The following SLCO5A1 variants were observed in gnomAD, a reference collection of about 807,000 sequenced individuals.
SLCO5A1 encodes the protein organic anion transporter polypeptide-related protein 4.
Under a neutral mutation model 65.1 loss-of-function variants are expected in SLCO5A1, and 39 were observed. That is an observed-to-expected ratio of 0.60 (90% CI 0.46 to 0.78). The LOEUF is 0.78. Ranked by LOEUF, SLCO5A1 falls within the 30% of genes least tolerant of loss-of-function variation. SLCO5A1 has a pLI of 0.00. For synonymous variants in SLCO5A1, 438 were observed against 415.7 expected (o/e 1.05, Z -0.65); for missense variants, 1,029 against 1,069.4 (o/e 0.96, Z 0.53).
chr8:69,786,456 T>C (rs1175594900), intron 2 of SLCO5A1, among the ~76,000 whole-genome samples: 2 of 152,228 alleles, frequency 1.3e-5, no homozygotes, highest in Non-Finnish European at 2.9e-5. Flanking sequence ...AATTATATGC[T>C]GTCCCTAGCA....
chr8:69,830,990 A>G (rs1192278633), intron 2 of SLCO5A1, among the ~76,000 whole-genome samples: 1 of 152,224 alleles, frequency 6.6e-6, no homozygotes, highest in East Asian at 1.9e-4. Context: ...ATAGTGGTGC[A>G]GGTGACGTAT....
At chr8:69,709,715 C>A (rs1357530583) in intron 5 of SLCO5A1, among the ~76,000 whole-genome samples, 1 of 151,922 alleles carries the variant, frequency 6.6e-6, no homozygotes, top group East Asian at 1.9e-4. Context: ...TAATTGAAAA[C>A]AAAACCACCT....
At position 69,671,565 on chromosome 8, in the gene SLCO5A1, G is replaced by T. The variant is rs1813328878; in HGVS notation, c.*1304C>A. 6.6e-6 allele frequency: 1 copy of T among 152,156 alleles called. No homozygotes were observed. The highest frequency in any genetic ancestry group is 6.5e-5 in the Admixed American group (1 of 15,272). 9.4% of individuals were successfully genotyped at this position (152,156 alleles called of 1,614,324 possible). On this transcript the variant is annotated 3_prime_UTR_variant, in exon 10 of 10. Transcript: ENST00000260126. Reference sequence around the variant, plus strand: ...GATGCTTACTTCAAAGTGATGTGCTGGGAGGTACTGAAAAGAATGATGGGT... The same window carrying T: ...GATGCTTACTTCAAAGTGATGTGCTTGGAGGTACTGAAAAGAATGATGGGT...
rs573754008 is a variant in SLCO5A1, at chr8:69,728,471, T to A, written c.1423+9569A>T. Among the ~76,000 whole-genome samples the A allele has an allele frequency of 6.0e-4, 92 of 152,280 alleles. 1 individual carries two copies. Among genetic ancestry groups the A allele is most frequent in the African/African-American group, 2.1e-3 (89 of 41,564 alleles). On this transcript the variant is annotated intron_variant, in intron 5 of 9. Transcript: ENST00000260126. ...CTAAAATTAAAAACCAAAAACAAAT[T>A]AAAACAAACATCACAATATATCAGA...
chr8:69,760,300 C>T (rs752780308), intron 3 of SLCO5A1, among the ~76,000 whole-genome samples: 6 of 152,194 alleles, frequency 3.9e-5, no homozygotes, highest in Non-Finnish European at 5.9e-5. Flanking sequence ...TTCCCTAATG[C>T]TGACAGGGGA....
intron 4 of SLCO5A1, among the ~76,000 whole-genome samples, chr8:69,754,496 G>C (rs1459085517): frequency 6.6e-6 from 1 of 151,582 alleles, no homozygotes; most frequent in Non-Finnish European, 1.5e-5. Flanking sequence ...AATGTGCCTA[G>C]GTAAATTTTA....
intron 1 of SLCO5A1, among the ~76,000 whole-genome samples, chr8:69,834,415 G>C (rs924186935): frequency 1.3e-5 from 2 of 152,222 alleles, no homozygotes; most frequent in African/African-American, 4.8e-5. Flanking sequence ...AAGGGTGGCC[G>C]CTCCGGCATC....
intron 4 of SLCO5A1, among the ~76,000 whole-genome samples, chr8:69,755,177 T>G (rs185685850): frequency 6.6e-6 from 1 of 152,180 alleles, no homozygotes; most frequent in African/African-American, 2.4e-5. Flanking sequence ...AATACACAAA[T>G]GATGAATTAT....
At chr8:69,762,335 C>T (rs1023282093) in intron 2 of SLCO5A1, among the ~76,000 whole-genome samples, 28 of 151,854 alleles carry the variant, frequency 1.8e-4, no homozygotes, top group African/African-American at 2.4e-5. Context: ...TACAGGCGCC[C>T]GCCACCACAC....
Position 69,832,076 on chromosome 8 carries a change from C to A in SLCO5A1, c.598G>T (p.Val200Leu), listed in dbSNP as rs770056180. Residue 200 changes from valine to leucine, a missense_variant, in exon 2 of 10, where the codon GTG becomes TTG. Physicochemically the swap from Val to Leu is conservative, Grantham distance 32. Around this residue, in one of 3 missense-constraint regions of SLCO5A1, gnomAD observed 647 missense variants for 647.5 expected, o/e 1.00. Transcript: ENST00000260126. The surrounding 1 kb of genome is among the most constrained non-coding windows in gnomAD (Gnocchi z 4.5). ...GRGRRPLWLA[V>L]GGLLIAFGAA... Reference sequence around the variant, plus strand: ...CCGAAGGCGATGAGGAGTCCACCCACGGCCAGCCACAGGGGCCGCCGACCC... The same window carrying A: ...CCGAAGGCGATGAGGAGTCCACCCAAGGCCAGCCACAGGGGCCGCCGACCC... The A allele has an allele frequency of 6.2e-7, 1 of 1,613,346 alleles. No individual in the cohort carries two copies. The highest frequency in any genetic ancestry group is 1.1e-5 in the South Asian group (1 of 91,042).
chr8:69,749,330 C>G (rs1313980528), intron 4 of SLCO5A1, among the ~76,000 whole-genome samples: 1 of 152,090 alleles, frequency 6.6e-6, no homozygotes, highest in Non-Finnish European at 1.5e-5. Context: ...AAAGAAATGA[C>G]CTGTTTCACC....
chr8:69,714,349 A>G (rs975528955), intron 5 of SLCO5A1, among the ~76,000 whole-genome samples: 1 of 152,262 alleles, frequency 6.6e-6, no homozygotes, highest in Non-Finnish European at 1.5e-5. Context: ...GGATTAGGAA[A>G]GGCAGCCTGC....
intron 6 of SLCO5A1, among the ~76,000 whole-genome samples, chr8:69,694,659 G>C (rs1814421957): frequency 6.6e-6 from 1 of 152,150 alleles, no homozygotes; most frequent in Non-Finnish European, 1.5e-5. Context: ...CTCTAAAAGT[G>C]GCACGCCTAT....
chr8:69,687,390 T>A (rs1359969232), intron 6 of SLCO5A1, among the ~76,000 whole-genome samples: 1 of 152,222 alleles, frequency 6.6e-6, no homozygotes, highest in Non-Finnish European at 1.5e-5. Context: ...TTGTGATTAC[T>A]GCGTCTAATT....
chr8:69,805,886 A>C (rs1211728858), intron 2 of SLCO5A1, among the ~76,000 whole-genome samples: 1 of 152,234 alleles, frequency 6.6e-6, no homozygotes, highest in Non-Finnish European at 1.5e-5. Context: ...GCAGATGAGA[A>C]GCATAATTAA....
In SLCO5A1 at chr8:69,670,707, G is replaced by A. The variant is rs1007605612; in HGVS notation, c.*2162C>T. 1.3e-5 allele frequency: 2 copies of A among 152,198 alleles called. No individual in the cohort carries two copies. Among genetic ancestry groups the A allele is most frequent in the Non-Finnish European group, 2.9e-5 (2 of 68,060 alleles). 9.4% of individuals were successfully genotyped at this position (152,198 alleles called of 1,614,324 possible). On this transcript the variant is annotated 3_prime_UTR_variant, in exon 10 of 10. Transcript: ENST00000260126. ...CTGTTCATGGCAGCAAAGGGAGTAAGGGGGCTCTCTAACTACTCCGTGCTG... is the reference window on the plus strand; with the variant it reads ...CTGTTCATGGCAGCAAAGGGAGTAAAGGGGCTCTCTAACTACTCCGTGCTG...
intron 2 of SLCO5A1, among the ~76,000 whole-genome samples, chr8:69,823,460 G>T (rs935651319): frequency 1.3e-5 from 2 of 152,040 alleles, no homozygotes; most frequent in Non-Finnish European, 2.9e-5. Context: ...AACAAAAAAA[G>T]GCAGGGGTTG....
At chr8:69,678,675 G>A (rs1445290223) in intron 8 of SLCO5A1, among the ~76,000 whole-genome samples, 4 of 151,602 alleles carry the variant, frequency 2.6e-5, no homozygotes, top group Admixed American at 6.6e-5. Context: ...ATAGCAGCCC[G>A]ACCATCATTT....
intron 2 of SLCO5A1, among the ~76,000 whole-genome samples, chr8:69,791,227 C>T (rs1473399484): frequency 6.6e-6 from 1 of 152,186 alleles, no homozygotes. Context: ...CATCACCACC[C>T]ACCACCTGGG....
Sources: allele counts gnomAD v4.1 joint callset (sites outside exome capture counted in the v4.1 genomes callset), GRCh38; gene constraint gnomAD v4.1.1; regional missense constraint gnomAD v4.1.1; non-coding constraint Gnocchi (gnomAD v3.1); transcripts MANE v1.5; gene names NCBI Gene and HGNC (gene_info 2026-07-23, HGNC 2026-07-21).